The following RANBP2 variants were observed in gnomAD, a reference collection of about 807,000 sequenced individuals.
RANBP2 encodes the protein RAN binding protein 2.
In RANBP2, 57 loss-of-function variants were observed where a neutral mutation model predicts 303.6. The observed-to-expected ratio is 0.19, with a 90% CI of 0.15 to 0.23. RANBP2 has a LOEUF of 0.23. Among genes scored for constraint, RANBP2 ranks in the 10% least tolerant of loss-of-function variants. The pLI is 1.00. For synonymous variants in RANBP2, 1,167 were observed against 1,301.5 expected (o/e 0.90, Z 2.23); for missense variants, 3,138 against 3,780.8 (o/e 0.83, Z 4.46).
chr2:109,291,280 CTTTTT>C, the RANBP2 span, among the ~76,000 whole-genome samples: 1 of 137,282 alleles, frequency 7.3e-6, no homozygotes, highest in Non-Finnish European at 1.6e-5. Context: ...AGAGTAATCT[CTTTTT>C]TTTTTTTTTT....
At chr2:108,842,296 C>T in the RANBP2 span, among the ~76,000 whole-genome samples, 3 of 151,692 alleles carry the variant, frequency 2.0e-5, no homozygotes, top group African/African-American at 7.3e-5. Flanking sequence ...GCCTTGGCTT[C>T]CCAAATTGTT....
the RANBP2 span, among the ~76,000 whole-genome samples, chr2:109,647,318 C>T: frequency 6.6e-6 from 1 of 151,908 alleles, no homozygotes; most frequent in East Asian, 1.9e-4. Flanking sequence ...CGTGTGCCAC[C>T]ACGGCCAGAT....
chr2:109,648,985 G>C, the RANBP2 span, among the ~76,000 whole-genome samples: 1 of 152,122 alleles, frequency 6.6e-6, no homozygotes, highest in Non-Finnish European at 1.5e-5. Context: ...GAGAGGGCTG[G>C]ATGTATAGGT....
rs371754644 is a variant in RANBP2 at position 108,765,667 on chromosome 2, A to G, written c.5128A>G (p.Ser1710Gly). 4 of 1,609,428 alleles carry G rather than the reference A, an allele frequency of 2.5e-6. No homozygotes were observed. The highest frequency in any genetic ancestry group is 3.4e-6 in the Non-Finnish European group (4 of 1,178,446). Reference protein sequence around the residue: ...AVSTPASSETSKAPKSGFEGM... With the variant: ...AVSTPASSETGKAPKSGFEGM... ...TTCAACACCTGCCTCTTCAGAGACA[A>G]GCAAGGCTCCAAAGAGCGGATTTGA... is the stretch of plus-strand genomic sequence containing the variant. Residue 1710 changes from serine (S) to glycine (G), a missense_variant, in exon 20 of 29, where the codon AGC becomes GGC. Coordinates refer to ENST00000283195, the MANE Select transcript of RANBP2 (RefSeq NM_006267.5).
intron 6 of RANBP2, 136 bp downstream of exon 6, chr2:108,736,385 A>G (rs1695587239): frequency 2.0e-6 from 3 of 1,514,896 alleles, no homozygotes; most frequent in East Asian, 2.3e-5. Context: ...ACAGTGAACA[A>G]CTAGGAGGCA....
At chr2:109,730,137 C>A in the RANBP2 span, among the ~76,000 whole-genome samples, 3 of 152,162 alleles carry the variant, frequency 2.0e-5, no homozygotes, top group African/African-American at 4.8e-5. Context: ...GGACACAGAG[C>A]CAAACCACAT....
the RANBP2 span, among the ~76,000 whole-genome samples, chr2:109,366,862 T>C: frequency 6.6e-6 from 1 of 152,132 alleles, no homozygotes; most frequent in Non-Finnish European, 1.5e-5. Context: ...CAAAAACAAA[T>C]AAATAAATAA....
At chr2:109,180,920 C>T in the RANBP2 span, among the ~76,000 whole-genome samples, 1 of 152,224 alleles carries the variant, frequency 6.6e-6, no homozygotes, top group Admixed American at 6.5e-5. Context: ...GAGAGCTCTG[C>T]AGTGGGATTT....
chr2:109,667,232 C>A, the RANBP2 span: 2 of 996,690 alleles, frequency 2.0e-6, no homozygotes, highest in Non-Finnish European at 3.2e-6. Context: ...CCCAAGCAAA[C>A]GCAGGCAAGG....
At chr2:108,950,343 T>G in the RANBP2 span, among the ~76,000 whole-genome samples, 1 of 151,988 alleles carries the variant, frequency 6.6e-6, no homozygotes, top group Non-Finnish European at 1.5e-5. Flanking sequence ...ATCAAATTTT[T>G]GGGCTCGAAT....
the RANBP2 span, among the ~76,000 whole-genome samples, chr2:109,112,480 G>T: frequency 1.3e-5 from 2 of 152,216 alleles, no homozygotes; most frequent in East Asian, 3.9e-4. Context: ...TGATGGGGTT[G>T]TTTGTTTTTT....
chr2:108,846,503 A>C, the RANBP2 span, among the ~76,000 whole-genome samples: 2 of 149,112 alleles, frequency 1.3e-5, no homozygotes, highest in Non-Finnish European at 3.0e-5. Flanking sequence ...ACTTAGTGAG[A>C]CCCATCTCTA....
the RANBP2 span, among the ~76,000 whole-genome samples, chr2:108,897,433 A>G: frequency 2.6e-5 from 4 of 152,190 alleles, no homozygotes; most frequent in Admixed American, 1.3e-4. Context: ...AGGGCTGTGC[A>G]TGTACCCTGA....
chr2:109,471,782 G>A, the RANBP2 span, among the ~76,000 whole-genome samples: 1 of 152,190 alleles, frequency 6.6e-6, no homozygotes, highest in Non-Finnish European at 1.5e-5. Context: ...ATAGACTAAT[G>A]CACAGTCCTG....
chr2:109,151,799 C>G, the RANBP2 span, among the ~76,000 whole-genome samples: 1 of 152,224 alleles, frequency 6.6e-6, no homozygotes, highest in East Asian at 1.9e-4. Context: ...TTTTATGACT[C>G]TAATAGATTT....
the RANBP2 span, among the ~76,000 whole-genome samples, chr2:108,921,568 C>T: frequency 6.6e-6 from 1 of 152,190 alleles, no homozygotes; most frequent in African/African-American, 2.4e-5. Context: ...TGTTTGCTGC[C>T]CAGAGTGGGG....
At chr2:109,523,869 G>A in the RANBP2 span, among the ~76,000 whole-genome samples, 2 of 152,210 alleles carry the variant, frequency 1.3e-5, no homozygotes, top group African/African-American at 2.4e-5. Context: ...AGATTTTCCT[G>A]TTTGCATCTC....
At chr2:109,060,116 C>T in the RANBP2 span, among the ~76,000 whole-genome samples, 9 of 152,190 alleles carry the variant, frequency 5.9e-5, no homozygotes, top group African/African-American at 1.7e-4. Context: ...TTTGCAGTTA[C>T]AGCTGATTGA....
At chr2:109,129,379 C>G in the RANBP2 span, 5 of 1,163,698 alleles carry the variant, frequency 4.3e-6, no homozygotes, top group Non-Finnish European at 6.0e-6. Context: ...GGTCGGTGAG[C>G]CACTTCGCAC....
Sources: gnomAD v4.1 joint callset for allele counts (sites outside exome capture counted in the v4.1 genomes callset) on GRCh38, gnomAD v4.1.1 for gene constraint, MANE v1.5 for transcripts, NCBI Gene and HGNC (gene_info 2026-07-23, HGNC 2026-07-21) for gene names.